Variants in MAPKAPK2 observed in about 807,000 individuals in gnomAD.
MAPKAPK2 encodes the protein MAPK activated protein kinase 2, also known as MAP kinase-activated protein kinase 2.
A neutral mutation model predicts 48.8 loss-of-function variants in MAPKAPK2; 9 were observed. The observed-to-expected ratio is 0.18, with a 90% CI of 0.11 to 0.32. The LOEUF (loss-of-function observed/expected upper bound fraction) is 0.32, where lower values mean the gene tolerates loss of function less well. Ranked by LOEUF, MAPKAPK2 falls within the 10% of genes least tolerant of loss-of-function variation. The pLI, the probability that MAPKAPK2 is intolerant of heterozygous loss-of-function variation, is 1.00. For synonymous variants in MAPKAPK2, 202 were observed against 190.6 expected (o/e 1.06, Z -0.49); for missense variants, 331 against 498.3 (o/e 0.66, Z 3.20).
In MAPKAPK2 at chr1:206,729,465, G is replaced by A. The variant is rs1043183855; in HGVS notation, c.554G>A (p.Arg185Gln). 1.2e-6 allele frequency: 2 copies of A among 1,613,962 alleles called. No homozygotes were observed. Among genetic ancestry groups the A allele is most frequent in the South Asian group, 1.1e-5 (1 of 91,084 alleles). ...CTGCATTCAATCAACATTGCCCATCGGGATGTCAAGGTGCCAGCTGTTCAT... is the reference window on the plus strand; with the variant it reads ...CTGCATTCAATCAACATTGCCCATCAGGATGTCAAGGTGCCAGCTGTTCAT... Reference protein sequence around the residue: ...QYLHSINIAHRDVKPENLLYT... With the variant: ...QYLHSINIAHQDVKPENLLYT... Residue 185 changes from arginine to glutamine, a missense_variant, in exon 4 of 10, where the codon CGG becomes CAG. Around this residue, in one of 4 missense-constraint regions of MAPKAPK2, gnomAD observed 111 missense variants for 193.6 expected, o/e 0.57. Coordinates refer to ENST00000367103, the MANE Select transcript of MAPKAPK2 (RefSeq NM_032960.4).
chr1:206,733,614 T>TGGTCCTA lies in MAPKAPK2; in HGVS notation c.*903_*909dup, dbSNP rs879952647. The stretch of plus-strand genomic sequence containing the variant: ...GGGCCCCCCTCCCCCCACTTAGTGC[T>TGGTCCTA]GGTCCTAGGTCCTCTGAGGCACTCA... On this transcript the variant is annotated 3_prime_UTR_variant, in exon 10 of 10. Coordinates refer to ENST00000367103, the MANE Select transcript of MAPKAPK2 (RefSeq NM_032960.4). The TGGTCCTA allele has an allele frequency of 6.6e-6, 1 of 151,164 alleles. No homozygotes were observed. The highest frequency in any genetic ancestry group is 1.5e-5 in the Non-Finnish European group (1 of 67,786). 9.4% of individuals were successfully genotyped at this position (151,164 alleles called of 1,614,324 possible). A position where few individuals can be genotyped will look rare whatever the true frequency, so the allele number is the denominator to read the frequency against.
chr1:206,700,424 T>C (rs1672763646), intron 1 of MAPKAPK2, among the ~76,000 whole-genome samples: 1 of 152,184 alleles, frequency 6.6e-6, no homozygotes, highest in African/African-American at 2.4e-5. Flanking sequence ...GTCTGTGTTG[T>C]GTCTTAGAAG....
At chr1:206,718,202 G>C (rs888699456) in intron 1 of MAPKAPK2, among the ~76,000 whole-genome samples, 1 of 152,306 alleles carries the variant, frequency 6.6e-6, no homozygotes, top group Non-Finnish European at 1.5e-5. Flanking sequence ...TACTTTAAAA[G>C]CTACTTAAGT....
intron 1 of MAPKAPK2, among the ~76,000 whole-genome samples, chr1:206,691,705 G>C (rs1411663642): frequency 6.6e-6 from 1 of 152,038 alleles, no homozygotes; most frequent in Non-Finnish European, 1.5e-5. Flanking sequence ...CAGCTCCTGA[G>C]CACCGGCAGG....
At chr1:206,730,214 C>T (rs1673858761) in intron 5 of MAPKAPK2, 116 bp downstream of exon 5, 1 of 1,271,540 alleles carries the variant, frequency 7.9e-7, no homozygotes, top group African/African-American at 1.5e-5. Context: ...ATGGCCCCTT[C>T]TGGTGCTGGT....
intron 1 of MAPKAPK2, among the ~76,000 whole-genome samples, chr1:206,721,507 G>A (rs1673518255): frequency 6.6e-6 from 1 of 152,144 alleles, no homozygotes; most frequent in Admixed American, 6.5e-5. Flanking sequence ...ACATCAAAGG[G>A]TTTGCACTTT....
rs782642650 is a variant in MAPKAPK2, at chr1:206,732,527, T to C, written c.1060-48T>C. ...TCTCTCTTCTGCTGTCTCTCCTACC[T>C]GTCTTCTGGCTCTCTCTGTACCCTT... is the stretch of plus-strand genomic sequence containing the variant. On this transcript the variant is annotated intron_variant, in intron 9 of 9. Coordinates refer to ENST00000367103, the MANE Select transcript of MAPKAPK2 (RefSeq NM_032960.4). The surrounding 1 kb of genome is among the most constrained non-coding windows in gnomAD (Gnocchi z 4.4). 1 of 1,604,204 alleles carries C rather than the reference T, an allele frequency of 6.2e-7. No individual in the cohort carries two copies. Among genetic ancestry groups the C allele is most frequent in the Non-Finnish European group, 8.5e-7 (1 of 1,173,416 alleles).
intron 1 of MAPKAPK2, among the ~76,000 whole-genome samples, chr1:206,728,100 G>C (rs1553432049): frequency 6.6e-6 from 1 of 152,170 alleles, no homozygotes; most frequent in Non-Finnish European, 1.5e-5. Context: ...GGAGAAGAAG[G>C]GGCATCAGTG....
chr1:206,707,590 G>C (rs1017568012), intron 1 of MAPKAPK2, among the ~76,000 whole-genome samples: 3 of 152,146 alleles, frequency 2.0e-5, no homozygotes, highest in Admixed American at 2.0e-4. Context: ...TTAATGGACT[G>C]TGTAACCTTG....
intron 1 of MAPKAPK2, chr1:206,695,768 CTCTCT>C (rs1672598742): frequency 2.8e-5 from 6 of 213,338 alleles, no homozygotes; most frequent in Admixed American, 7.8e-5. Flanking sequence ...CTCTCTCTCT[CTCTCT>C]TTTTTTTTTT....
chr1:206,691,500 T>TAC (rs1553426264), intron 1 of MAPKAPK2, among the ~76,000 whole-genome samples: 17 of 138,152 alleles, frequency 1.2e-4, no homozygotes, highest in African/African-American at 3.7e-4. Flanking sequence ...TATATATATA[T>TAC]ATATACACAC....
chr1:206,732,607 C>T lies in MAPKAPK2; in HGVS notation c.1092C>T (p.Arg364=), dbSNP rs372815549. The change falls in exon 10 of 10, where the codon CGC becomes CGT. Residue 364 remains arginine, a synonymous_variant. Transcript: ENST00000367103. This position sits in a 1 kb window ranked among gnomAD's most constrained non-coding sequence, Gnocchi z 4.4. ...EEMTSALATM[R]VDYEQIKIKK... ...TGACCAGTGCCTTGGCCACAATGCG[C>T]GTTGACTACGAGCAGATCAAGATAA... is the stretch of plus-strand genomic sequence containing the variant. 1.7e-4 allele frequency: 280 copies of T among 1,614,054 alleles called. No individual in the cohort carries two copies. Among genetic ancestry groups the T allele is most frequent in the Middle Eastern group, 1.0e-3 (6 of 6,006 alleles).
chr1:206,685,612 G>A, intron 1 of MAPKAPK2, 104 bp downstream of exon 1: 4 of 940,402 alleles, frequency 4.3e-6, no homozygotes, highest in Non-Finnish European at 5.2e-6. Flanking sequence ...GGGGCGGAGG[G>A]GTGGCCGCGG....
At chr1:206,724,458 A>G (rs1673642424) in intron 1 of MAPKAPK2, among the ~76,000 whole-genome samples, 1 of 151,778 alleles carries the variant, frequency 6.6e-6, no homozygotes, top group Non-Finnish European at 1.5e-5. Context: ...TGCCTCGCCC[A>G]TCTGAAGGGC....
Position 206,729,982 on chromosome 1 carries a change from T to C in MAPKAPK2, c.575T>C (p.Leu192Pro). 6.2e-7 allele frequency: 1 copy of C among 1,614,238 alleles called. No individual in the cohort carries two copies. Among genetic ancestry groups the C allele is most frequent in the Non-Finnish European group, 8.5e-7 (1 of 1,180,032 alleles). ...TCTCTCTTTCTGTAGCCTGAGAATC[T>C]CTTATACACCTCCAAAAGGCCCAAC... is the stretch of plus-strand genomic sequence containing the variant. ...IAHRDVKPEN[L>P]LYTSKRPNAI... The change falls in exon 5 of 10, where the codon CTC (leucine) becomes CCC (proline). Residue 192 changes from leucine to proline, a missense_variant. Coordinates refer to ENST00000367103, the MANE Select transcript of MAPKAPK2 (RefSeq NM_032960.4).
In MAPKAPK2 at chr1:206,684,927, G is replaced by A. The variant is rs1455081475; in HGVS notation, c.-303G>A. The A allele has an allele frequency of 6.6e-6, 1 of 151,272 alleles. No individual in the cohort carries two copies. The allele number at this position is 151,272 out of a possible 1,614,324, so 9.4% of individuals were successfully genotyped here. A position where few individuals can be genotyped will look rare whatever the true frequency, so the allele number is the denominator to read the frequency against. On this transcript the variant is annotated 5_prime_UTR_variant, in exon 1 of 10. Transcript: ENST00000367103. Reference sequence around the variant, plus strand: ...GCTGTGACGCGGCCGCCGGCCCGGGGCTGGGTACATTGTCGCGCGGCCGCT... The same window carrying A: ...GCTGTGACGCGGCCGCCGGCCCGGGACTGGGTACATTGTCGCGCGGCCGCT...
intron 1 of MAPKAPK2, among the ~76,000 whole-genome samples, chr1:206,725,369 A>G (rs557267262): frequency 5.3e-5 from 8 of 152,210 alleles, no homozygotes; most frequent in African/African-American, 1.9e-4. Context: ...CCAGCCTACA[A>G]TCTTGGTGAT....
At chr1:206,721,152 G>A (rs535603951) in intron 1 of MAPKAPK2, among the ~76,000 whole-genome samples, 1 of 152,288 alleles carries the variant, frequency 6.6e-6, no homozygotes, top group Non-Finnish European at 1.5e-5. Flanking sequence ...GTTCTTAGGA[G>A]ATCTGGTTGT....
rs781937063 is a variant in MAPKAPK2, at chr1:206,731,963, C to T, written c.1059+44C>T. 37 of 1,613,778 alleles carry T rather than the reference C, an allele frequency of 2.3e-5. No homozygotes were observed. Among genetic ancestry groups the T allele is most frequent in the Middle Eastern group, 1.6e-4 (1 of 6,084 alleles). ...TGAGAGGGGCTCCAGGTGGGGTGGGCGGCTTGCGGGGAGTGCCCAGGTGTG... is the reference window on the plus strand; with the variant it reads ...TGAGAGGGGCTCCAGGTGGGGTGGGTGGCTTGCGGGGAGTGCCCAGGTGTG... On this transcript the variant is annotated intron_variant, in intron 9 of 9. Transcript: ENST00000367103. The surrounding 1 kb of genome is among the most constrained non-coding windows in gnomAD (Gnocchi z 5.9).
Sources: allele counts gnomAD v4.1 joint callset (sites outside exome capture counted in the v4.1 genomes callset), GRCh38; gene constraint gnomAD v4.1.1; regional missense constraint gnomAD v4.1.1; non-coding constraint Gnocchi (gnomAD v3.1); transcripts MANE v1.5; gene names NCBI Gene and HGNC (gene_info 2026-07-23, HGNC 2026-07-21).